The following ASIC2 variants were observed in gnomAD, a reference collection of about 807,000 sequenced individuals.
The protein encoded by ASIC2 is acid sensing ion channel subunit 2.
Under a neutral mutation model 57.3 loss-of-function variants are expected in ASIC2, and 25 were observed. That is an observed-to-expected ratio of 0.44 (90% confidence interval 0.32 to 0.61). ASIC2 has a LOEUF of 0.61. ASIC2 is among the 20% of genes least tolerant of loss of function. ASIC2 has a pLI of 0.06. For missense variants in ASIC2, 641 were observed against 738.1 expected, an observed-to-expected ratio of 0.87 and a Z score of 1.52; for synonymous variants, 319 against 307.5, an observed-to-expected ratio of 1.04 and a Z score of -0.39.
intron 1 of ASIC2, among the ~76,000 whole-genome samples, chr17:33,667,716 C>T (rs1020438588): frequency 3.9e-5 from 6 of 152,214 alleles, no homozygotes; most frequent in African/African-American, 7.2e-5. Flanking sequence ...TACAGTCCTA[C>T]AGATTAGAAG....
intron 1 of ASIC2, among the ~76,000 whole-genome samples, chr17:33,368,306 A>G (rs1322126870): frequency 1.3e-5 from 2 of 152,218 alleles, no homozygotes; most frequent in African/African-American, 4.8e-5. Context: ...TGGGATAGAG[A>G]GGCCACATGG....
intron 2 of ASIC2, among the ~76,000 whole-genome samples, chr17:33,097,713 T>C (rs747496751): frequency 4.7e-4 from 72 of 152,364 alleles, no homozygotes; most frequent in Non-Finnish European, 8.4e-4. Flanking sequence ...AAGAGTTTAT[T>C]TGCAGTAGGC....
At chr17:33,716,204 C>T (rs181833364) in intron 1 of ASIC2, among the ~76,000 whole-genome samples, 6 of 152,320 alleles carry the variant, frequency 3.9e-5, no homozygotes, top group Admixed American at 6.5e-5. Context: ...TTTTCAATGT[C>T]ATCTCCATAA....
intron 3 of ASIC2, among the ~76,000 whole-genome samples, chr17:33,080,772 T>C (rs2092110072): frequency 6.6e-6 from 1 of 152,124 alleles, no homozygotes; most frequent in Admixed American, 6.6e-5. Context: ...GGCTGCTAAG[T>C]GACCAGCAGG....
intron 1 of ASIC2, among the ~76,000 whole-genome samples, chr17:33,289,533 G>A (rs1399297775): frequency 6.6e-6 from 1 of 152,194 alleles, no homozygotes; most frequent in Non-Finnish European, 1.5e-5. Context: ...TCCTGTGTAA[G>A]TCCTCTGAGA....
intron 1 of ASIC2, among the ~76,000 whole-genome samples, chr17:33,930,695 C>G (rs1277226838): frequency 6.6e-6 from 1 of 152,216 alleles, no homozygotes; most frequent in Non-Finnish European, 1.5e-5. Flanking sequence ...TCCTGCACTG[C>G]AGGGGTGTGT....
intron 1 of ASIC2, among the ~76,000 whole-genome samples, chr17:33,362,746 G>C (rs111297444): frequency 6.6e-6 from 1 of 152,226 alleles, no homozygotes; most frequent in African/African-American, 2.4e-5. Context: ...CTAAGATCTA[G>C]AACAGTGCCT....
At chr17:33,888,291 G>A (rs1474445470) in intron 1 of ASIC2, among the ~76,000 whole-genome samples, 9 of 152,096 alleles carry the variant, frequency 5.9e-5, no homozygotes, top group Admixed American at 5.9e-4. Context: ...AGACAGGTAG[G>A]GTGCAGTGGG....
intron 1 of ASIC2, among the ~76,000 whole-genome samples, chr17:33,926,174 A>G (rs1567758081): frequency 6.6e-6 from 1 of 152,122 alleles, no homozygotes; most frequent in Non-Finnish European, 1.5e-5. Context: ...ATTTAATTCA[A>G]TTGAGAGGTC....
At chr17:33,552,406 C>G (rs1915779139) in intron 1 of ASIC2, among the ~76,000 whole-genome samples, 1 of 152,154 alleles carries the variant, frequency 6.6e-6, no homozygotes, top group Non-Finnish European at 1.5e-5. Context: ...CACAAAAGAC[C>G]TTTGCCAACT....
chr17:33,178,929 C>T (rs571730883), intron 1 of ASIC2, among the ~76,000 whole-genome samples: 46 of 152,348 alleles, frequency 3.0e-4, no homozygotes, highest in Non-Finnish European at 4.9e-4. Flanking sequence ...AGTTTCCTCC[C>T]TCATTGCAGC....
At chr17:33,779,058 G>A (rs1194393919) in intron 1 of ASIC2, among the ~76,000 whole-genome samples, 1 of 152,138 alleles carries the variant, frequency 6.6e-6, no homozygotes, top group African/African-American at 2.4e-5. Flanking sequence ...CTGTTTCATT[G>A]AGTCAAATAT....
intron 2 of ASIC2, among the ~76,000 whole-genome samples, chr17:33,099,003 T>C (rs1025323541): frequency 1.3e-5 from 2 of 150,366 alleles, no homozygotes; most frequent in African/African-American, 2.4e-5. Context: ...ACAAAATATA[T>C]ATATATTTAG....
At chr17:33,959,332 A>T (rs11653843) in intron 1 of ASIC2, among the ~76,000 whole-genome samples, 9 of 151,990 alleles carry the variant, frequency 5.9e-5, no homozygotes, top group Non-Finnish European at 8.8e-5. Context: ...ACCAATTTAC[A>T]GTATTAATCA....
At chr17:33,851,908 A>G (rs1913775894) in intron 1 of ASIC2, among the ~76,000 whole-genome samples, 1 of 152,256 alleles carries the variant, frequency 6.6e-6, no homozygotes, top group Non-Finnish European at 1.5e-5. Flanking sequence ...GAAAAGAACC[A>G]AACAAATGAG....
chr17:33,033,925 A>T (rs1383726394), intron 3 of ASIC2, among the ~76,000 whole-genome samples: 1 of 152,154 alleles, frequency 6.6e-6, no homozygotes, highest in Non-Finnish European at 1.5e-5. Flanking sequence ...GGTCAGAGAG[A>T]CAAGGGGACA....
rs1347091282 is a variant in ASIC2 at position 33,420,051 on chromosome 17, C to CT, written c.556-307985dup. 4.6e-5 allele frequency among the ~76,000 whole-genome samples: 7 copies of CT among 152,282 alleles called. No homozygotes were observed. In the East Asian group the frequency reaches 1.4e-3, roughly 29 times the overall value. On this transcript the variant is annotated intron_variant, in intron 1 of 9. Coordinates refer to the ASIC2 transcript ENST00000359872. ...AAGGAATGGGGAGAGAGGAGGCTTTCTTTTTTTCATATGCCGTTTCATTAT... is the reference window on the plus strand; with the variant it reads ...AAGGAATGGGGAGAGAGGAGGCTTTCTTTTTTTTCATATGCCGTTTCATTAT...
intron 1 of ASIC2, among the ~76,000 whole-genome samples, chr17:33,642,874 T>C (rs1268372442): frequency 1.3e-5 from 2 of 152,178 alleles, no homozygotes; most frequent in East Asian, 3.9e-4. Context: ...CTGCAAACCT[T>C]GTCAGAGCAT....
chr17:33,059,832 A>T (rs563291707), intron 3 of ASIC2, among the ~76,000 whole-genome samples: 1 of 152,268 alleles, frequency 6.6e-6, no homozygotes, highest in East Asian at 1.9e-4. Context: ...TTGTTTCCTG[A>T]CTTTTTAATG....
Sources: gnomAD v4.1 joint callset for allele counts (sites outside exome capture counted in the v4.1 genomes callset) on GRCh38, gnomAD v4.1.1 for gene constraint, MANE v1.5 for transcripts, NCBI Gene and HGNC (gene_info 2026-07-23, HGNC 2026-07-21) for gene names.